ACTR5: variants seen among roughly 807,000 people sequenced by gnomAD.
ACTR5 encodes actin related protein 5, also known as actin-related protein 5.
In ACTR5, 43 loss-of-function variants were observed where a neutral mutation model predicts 61.2. The observed-to-expected ratio is 0.70, with a 90% confidence interval of 0.55 to 0.91. The LOEUF is 0.91. Ranked by LOEUF, ACTR5 falls within the 40% of genes least tolerant of loss-of-function variation. ACTR5 has a pLI of 0.00. For synonymous variants in ACTR5, 333 were observed against 310.5 expected (o/e 1.07, Z -0.76); for missense variants, 798 against 782.2 (o/e 1.02, Z -0.24).
chr20:38,756,567 CTCT>C (rs377648509), intron 5 of ACTR5, among the ~76,000 whole-genome samples: 35 of 152,096 alleles, frequency 2.3e-4, no homozygotes, highest in African/African-American at 6.5e-4. Context: ...CTTTGATTTT[CTCT>C]TCTTCTTCTT....
intron 2 of ACTR5, 145 bp downstream of exon 2, chr20:38,750,384 G>A: frequency 3.0e-6 from 2 of 673,878 alleles, no homozygotes; most frequent in Non-Finnish European, 5.0e-6. Flanking sequence ...CTACCTCACT[G>A]TGTGACTGGG....
chr20:38,748,573 C>T lies in ACTR5; in HGVS notation c.95C>T (p.Pro32Leu). 2 of 1,521,304 alleles carry T rather than the reference C, an allele frequency of 1.3e-6. No homozygotes were observed. The highest frequency in any genetic ancestry group is 1.2e-5 in the South Asian group (1 of 81,464). The allele number at this position is 1,521,304 out of a possible 1,614,324, so 94.2% of individuals were successfully genotyped here. ...GPVAHGPLPV[P>L]LVLDNGSFQV... is the part of the protein sequence containing the mutation. ...GTGGCACACGGGCCACTGCCGGTAC[C>T]GCTGGTGCTGGACAACGGGTCGTTC... The change falls in exon 1 of 9, where the codon CCG (proline) becomes CTG (leucine). Residue 32 changes from proline to leucine, a missense_variant. Coordinates refer to ENST00000243903, the MANE Select transcript of ACTR5 (RefSeq NM_024855.4).
At chr20:38,755,310 G>A in intron 4 of ACTR5, 136 bp downstream of exon 4, 2 of 872,352 alleles carry the variant, frequency 2.3e-6, no homozygotes, top group Non-Finnish European at 3.5e-6. Context: ...AGTCCAGGGG[G>A]ATCATCAGCA....
intron 7 of ACTR5, among the ~76,000 whole-genome samples, chr20:38,766,845 C>G (rs1197496610): frequency 6.6e-6 from 1 of 152,064 alleles, no homozygotes; most frequent in Non-Finnish European, 1.5e-5. Flanking sequence ...TTTGATAATT[C>G]AAGTTGGGCA....
chr20:38,754,311 A>C (rs2084404820), intron 3 of ACTR5, among the ~76,000 whole-genome samples: 2 of 152,110 alleles, frequency 1.3e-5, no homozygotes, highest in Non-Finnish European at 2.9e-5. Context: ...GCCTGCTGGC[A>C]TTATGTCCAG....
At chr20:38,758,595 T>A (rs1158583941) in intron 5 of ACTR5, among the ~76,000 whole-genome samples, 1 of 151,078 alleles carries the variant, frequency 6.6e-6, no homozygotes, top group Non-Finnish European at 1.5e-5. Flanking sequence ...TGCAGTGAGC[T>A]GAGATTGTGA....
intron 3 of ACTR5, among the ~76,000 whole-genome samples, chr20:38,752,950 A>T (rs1037667264): frequency 6.6e-6 from 1 of 152,196 alleles, no homozygotes; most frequent in Non-Finnish European, 1.5e-5. Context: ...ACCATATAAC[A>T]TAAATTTGCC....
At chr20:38,765,831 C>T (rs1303080260) in intron 6 of ACTR5, among the ~76,000 whole-genome samples, 1 of 152,168 alleles carries the variant, frequency 6.6e-6, no homozygotes, top group African/African-American at 2.4e-5. Flanking sequence ...ACACATAATC[C>T]TCTTTGGAAT....
At position 38,763,592 on chromosome 20, in the gene ACTR5, C is replaced by T. The variant is rs6124012; in HGVS notation, c.1177-1810C>T. 0.027 allele frequency among the ~76,000 whole-genome samples: 4,122 copies of T among 152,312 alleles called. 439 individuals are homozygous for T. In the East Asian group the frequency reaches 0.3, roughly 11 times the overall value. On this transcript the variant is annotated intron_variant, in intron 5 of 8. Coordinates refer to ENST00000243903, the MANE Select transcript of ACTR5 (RefSeq NM_024855.4). Reference sequence around the variant, plus strand: ...TGATTTATAGAACTCCAGCTTAAGGCAGAACAAAGACTTTGGAACTGAGCA... The same window carrying T: ...TGATTTATAGAACTCCAGCTTAAGGTAGAACAAAGACTTTGGAACTGAGCA...
chr20:38,766,704 C>T (rs2145676674), intron 7 of ACTR5, among the ~76,000 whole-genome samples: 1 of 152,262 alleles, frequency 6.6e-6, no homozygotes, highest in East Asian at 1.9e-4. Context: ...TTTTAAATCA[C>T]CCTAAAAATA....
chr20:38,767,142 T>A (rs1432176896), intron 7 of ACTR5, among the ~76,000 whole-genome samples: 1 of 152,242 alleles, frequency 6.6e-6, no homozygotes, highest in East Asian at 1.9e-4. Context: ...TACTGGAATG[T>A]ATAAATTAGT....
chr20:38,750,367 C>T (rs2084379363), intron 2 of ACTR5, 128 bp downstream of exon 2: 3 of 741,700 alleles, frequency 4.0e-6, no homozygotes, highest in Non-Finnish European at 6.6e-6. Flanking sequence ...TTGGGCTTAG[C>T]TTTGAACTAC....
Position 38,771,733 on chromosome 20 carries a change from A to T in ACTR5, c.1741A>T (p.Lys581Ter), listed in dbSNP as rs2084521495. 2 of 1,614,064 alleles carry T rather than the reference A, an allele frequency of 1.2e-6. No homozygotes were observed. The highest frequency in any genetic ancestry group is 1.7e-6 in the Non-Finnish European group (2 of 1,180,030). The change falls in exon 9 of 9, where the codon AAG becomes TAG. Residue 581 changes from lysine (K) to a stop codon, truncating the protein, a stop_gained. Coordinates refer to ENST00000243903, the MANE Select transcript of ACTR5 (RefSeq NM_024855.4). LOFTEE classifies it high-confidence loss of function. ...CATCTATGTCCCCATCCGCCTGCCG[A>T]AGCAGGCCTCCCGCTCCTCAGATGC... is the stretch of plus-strand genomic sequence containing the variant. Reference protein sequence around the residue: ...SNIYVPIRLPKQASRSSDAQA... With the variant: ...SNIYVPIRLP
At chr20:38,768,863 G>T (rs1471020797) in intron 8 of ACTR5, among the ~76,000 whole-genome samples, 1 of 152,132 alleles carries the variant, frequency 6.6e-6, no homozygotes, top group African/African-American at 2.4e-5. Flanking sequence ...CCATAGTGAT[G>T]AACCATGAAG....
chr20:38,754,832 G>C (rs553686217), intron 3 of ACTR5, 125 bp from the exon 4 acceptor site: 4 of 826,382 alleles, frequency 4.8e-6, no homozygotes, highest in African/African-American at 1.7e-5. Context: ...CTCGTGATCC[G>C]CCCACCTCGG....
Position 38,752,011 on chromosome 20 carries a change from G to A in ACTR5, c.606-120G>A, listed in dbSNP as rs144009468. ...ACGTCCCTTCTGACTATCAGGTTTT[G>A]TATTTCTCCTGCTGGTCTGTTTCTT... is the stretch of plus-strand genomic sequence containing the variant. On this transcript the variant is annotated intron_variant, in intron 2 of 8. Transcript: ENST00000243903. 1.2e-4 allele frequency: 139 copies of A among 1,154,122 alleles called. No homozygotes were observed. In the African/African-American group the frequency reaches 1.8e-3, roughly 15 times the overall value. 71.5% of individuals were successfully genotyped at this position (1,154,122 alleles called of 1,614,324 possible). A position where few individuals can be genotyped will look rare whatever the true frequency, so the allele number is the denominator to read the frequency against.
At chr20:38,763,493 G>C (rs1427478481) in intron 5 of ACTR5, among the ~76,000 whole-genome samples, 3 of 152,178 alleles carry the variant, frequency 2.0e-5, no homozygotes, top group Admixed American at 1.3e-4. Context: ...TTCATCTCTT[G>C]TATTACCTAC....
At chr20:38,749,260 A>C (rs909256070) in intron 1 of ACTR5, among the ~76,000 whole-genome samples, 10 of 152,170 alleles carry the variant, frequency 6.6e-5, no homozygotes, top group African/African-American at 2.4e-4. Flanking sequence ...ATAGGAGAGG[A>C]GGGAGTTACA....
rs771466412 is a variant in ACTR5, at chr20:38,754,985, T to C, written c.804T>C (p.Tyr268=). The C allele has an allele frequency of 1.2e-6, 2 of 1,614,234 alleles. No homozygotes were observed. The highest frequency in any genetic ancestry group is 8.5e-7 in the Non-Finnish European group (1 of 1,180,042). ...TACACAAATGGCGGTGTCCTGATTA[T>C]TATGAGAATAATGTCCACAAGATGC... The part of the protein sequence containing the change: ...EELHKWRCPD[Y]YENNVHKMQL... Residue 268 remains tyrosine, a synonymous_variant, in exon 4 of 9, where the codon TAT becomes TAC. Coordinates refer to ENST00000243903, the MANE Select transcript of ACTR5 (RefSeq NM_024855.4).
Sources: gnomAD v4.1 joint callset for allele counts (sites outside exome capture counted in the v4.1 genomes callset) on GRCh38, gnomAD v4.1.1 for gene constraint, MANE v1.5 for transcripts, NCBI Gene and HGNC (gene_info 2026-07-23, HGNC 2026-07-21) for gene names.